Variants in SLC67A2 observed in about 807,000 individuals in gnomAD.
The protein encoded by SLC67A2 is solute carrier family 67 member 2, also known as solute carrier family 67 member A2.
chr2:102,727,620 G>T, the SLC67A2 span, among the ~76,000 whole-genome samples: 1 of 152,054 alleles, frequency 6.6e-6, no homozygotes, highest in Non-Finnish European at 1.5e-5. Flanking sequence ...CGCTACAATA[G>T]GCATCTTCAT....
the SLC67A2 span, among the ~76,000 whole-genome samples, chr2:102,720,538 T>C: frequency 1.4e-4 from 22 of 152,002 alleles, no homozygotes; most frequent in Non-Finnish European, 3.1e-4. Flanking sequence ...TAAGAAAATA[T>C]TAACAAACAA....
chr2:102,715,835 A>G, the SLC67A2 span: 2 of 152,196 alleles, frequency 1.3e-5, no homozygotes, highest in African/African-American at 2.4e-5. Flanking sequence ...ATGAAACACC[A>G]CAAATGTCAA....
chr2:102,715,263 C>G, the SLC67A2 span, among the ~76,000 whole-genome samples: 1 of 152,198 alleles, frequency 6.6e-6, no homozygotes, highest in Non-Finnish European at 1.5e-5. Context: ...CTTCATCCGT[C>G]AATACAATCT....
the SLC67A2 span, chr2:102,732,473 T>G: frequency 4.7e-6 from 6 of 1,285,420 alleles, no homozygotes; most frequent in Non-Finnish European, 6.5e-6. Flanking sequence ...ACCTAAAAAT[T>G]TAAACTAATT....
chr2:102,734,408 T>A, the SLC67A2 span, among the ~76,000 whole-genome samples: 2 of 152,114 alleles, frequency 1.3e-5, no homozygotes, highest in South Asian at 4.1e-4. Flanking sequence ...CCTAAACAAA[T>A]TAAAACTTGG....
chr2:102,719,016 T>C, the SLC67A2 span: 16 of 1,614,238 alleles, frequency 9.9e-6, no homozygotes, highest in East Asian at 3.1e-4. Context: ...AGGTTCTTCA[T>C]GTTCCGCAAG....
the SLC67A2 span, among the ~76,000 whole-genome samples, chr2:102,728,562 G>A: frequency 6.6e-6 from 1 of 151,984 alleles, no homozygotes; most frequent in African/African-American, 2.4e-5. Context: ...CCTTCTATAG[G>A]TGTCTTCAAT....
At chr2:102,718,995 C>T in the SLC67A2 span, 7 of 1,614,104 alleles carry the variant, frequency 4.3e-6, no homozygotes, top group Non-Finnish European at 4.2e-6. Flanking sequence ...TCCCACATTT[C>T]GGAAAACAGC....
chr2:102,723,528 C>T, the SLC67A2 span, among the ~76,000 whole-genome samples: 2 of 136,626 alleles, frequency 1.5e-5, no homozygotes. Flanking sequence ...GGAATGTAAA[C>T]TGGCACCGGC....
the SLC67A2 span, chr2:102,723,846 TCCTTC>T: frequency 1.1e-5 from 17 of 1,614,070 alleles, no homozygotes; most frequent in Non-Finnish European, 1.4e-5. Context: ...AAGCGGCCGT[TCCTTC>T]TCTGGAACCA....
chr2:102,717,352 A>G, the SLC67A2 span: 1 of 152,180 alleles, frequency 6.6e-6, no homozygotes, highest in Non-Finnish European at 1.5e-5. Context: ...TTCTTAACAC[A>G]AGACACAGTA....
At chr2:102,727,167 A>T in the SLC67A2 span, among the ~76,000 whole-genome samples, 2 of 152,116 alleles carry the variant, frequency 1.3e-5, no homozygotes, top group Non-Finnish European at 2.9e-5. Flanking sequence ...ATGGAAAAAC[A>T]CAATGTATTT....
the SLC67A2 span, chr2:102,718,258 A>G: frequency 2.6e-6 from 2 of 760,648 alleles, no homozygotes; most frequent in South Asian, 1.7e-5. Context: ...TCCTGCAGGC[A>G]TGGCTGCATG....
At chr2:102,723,838 G>A in the SLC67A2 span, 3 of 1,614,212 alleles carry the variant, frequency 1.9e-6, no homozygotes, top group Non-Finnish European at 2.5e-6. Flanking sequence ...CCGATTACAA[G>A]CGGCCGTTCC....
chr2:102,723,430 C>G, the SLC67A2 span, among the ~76,000 whole-genome samples: 1 of 152,106 alleles, frequency 6.6e-6, no homozygotes, highest in Non-Finnish European at 1.5e-5. Context: ...TATCACATCA[C>G]TGCACTCCAG....
At chr2:102,726,425 CA>C in the SLC67A2 span, among the ~76,000 whole-genome samples, 2 of 152,166 alleles carry the variant, frequency 1.3e-5, no homozygotes, top group Admixed American at 6.5e-5. Context: ...GGGGCTCTGT[CA>C]AGTACGACTC....
the SLC67A2 span, chr2:102,718,923 G>A: frequency 6.2e-7 from 1 of 1,614,134 alleles, no homozygotes; most frequent in African/African-American, 1.3e-5. Flanking sequence ...TCCAGGGCCA[G>A]GACAAAGTTA....
chr2:102,720,513 G>C, the SLC67A2 span, among the ~76,000 whole-genome samples: 1 of 152,122 alleles, frequency 6.6e-6, no homozygotes, highest in Non-Finnish European at 1.5e-5. Context: ...CATGGAGTTC[G>C]TAAGTGTGAA....
the SLC67A2 span, chr2:102,717,927 G>A: frequency 6.5e-6 from 1 of 154,384 alleles, no homozygotes; most frequent in Non-Finnish European, 1.4e-5. Context: ...CAATCTGCAG[G>A]ATTTTGATAG....
Sources: gnomAD v4.1 joint callset for allele counts (sites outside exome capture counted in the v4.1 genomes callset) on GRCh38, gnomAD v4.1.1 for gene constraint, MANE v1.5 for transcripts, NCBI Gene and HGNC (gene_info 2026-07-23, HGNC 2026-07-21) for gene names.